Variants in ESRRG observed in about 807,000 individuals in gnomAD.
The protein encoded by ESRRG is estrogen-related receptor gamma.
ESRRG carries 13 observed loss-of-function variants against 44.0 expected under a neutral mutation model. The observed-to-expected ratio is 0.30, with a 90% CI of 0.19 to 0.47. ESRRG has a LOEUF of 0.47. ESRRG is among the 20% of genes least tolerant of loss of function. ESRRG has a pLI of 1.00. For synonymous variants in ESRRG, 215 were observed against 214.6 expected (o/e 1.00, Z -0.02); for missense variants, 395 against 580.6 (o/e 0.68, Z 3.29).
At chr1:216,666,182 C>CA (rs2073877120) in intron 2 of ESRRG, among the ~76,000 whole-genome samples, 1 of 152,162 alleles carries the variant, frequency 6.6e-6, no homozygotes, top group South Asian at 2.1e-4. Context: ...TATTCCCCCA[C>CA]AACTAGTTAC....
At chr1:216,548,431 C>A (rs930552013) in intron 5 of ESRRG, among the ~76,000 whole-genome samples, 7 of 152,018 alleles carry the variant, frequency 4.6e-5, no homozygotes, top group Non-Finnish European at 1.0e-4. Flanking sequence ...GCTCTTTCTT[C>A]GATGAATGAT....
At chr1:216,772,029 A>G (rs2093405790) in intron 2 of ESRRG, among the ~76,000 whole-genome samples, 2 of 152,046 alleles carry the variant, frequency 1.3e-5, no homozygotes, top group Middle Eastern at 3.4e-3. Flanking sequence ...GCATAAACTG[A>G]TGGGAGTTCT....
intron 4 of ESRRG, among the ~76,000 whole-genome samples, chr1:216,567,655 C>A (rs1283325009): frequency 6.6e-6 from 1 of 152,040 alleles, no homozygotes; most frequent in East Asian, 1.9e-4. Flanking sequence ...ACAGTATGAT[C>A]CATTTTATGT....
chr1:217,041,965 G>A (rs542314728), intron 1 of ESRRG, among the ~76,000 whole-genome samples: 4 of 152,278 alleles, frequency 2.6e-5, no homozygotes, highest in South Asian at 2.1e-4. Context: ...ATTCTGGCAT[G>A]TATCATCTGA....
At chr1:216,586,053 T>A (rs995761744) in intron 3 of ESRRG, among the ~76,000 whole-genome samples, 10 of 45,924 alleles carry the variant, frequency 2.2e-4, no homozygotes, top group African/African-American at 4.9e-4. Context: ...ATAAATAAAT[T>A]AATTAATAAA....
rs1294922288 is a variant in ESRRG at position 216,895,657 on chromosome 1, A to G, written c.-14+43925T>C. Among the ~76,000 whole-genome samples, 5 of 152,304 alleles carry G rather than the reference A, an allele frequency of 3.3e-5. No individual in the cohort carries two copies. The East Asian group carries it at 7.7e-4, about 24-fold the overall frequency. ...GTCTTAGAGTCAACTTTTCCTTCTA[A>G]TGATGGAGATGTTAGTGAAAGCACA... On this transcript the variant is annotated intron_variant, in intron 2 of 7. Transcript: ENST00000359162.
At chr1:216,703,827 C>A (rs1459368059) in intron 1 of ESRRG, among the ~76,000 whole-genome samples, 1 of 151,922 alleles carries the variant, frequency 6.6e-6, no homozygotes, top group African/African-American at 2.4e-5. Context: ...GGGGGATAAA[C>A]TTCAGTCTTG....
At chr1:216,613,090 G>A (rs1025906208) in intron 3 of ESRRG, among the ~76,000 whole-genome samples, 3 of 152,178 alleles carry the variant, frequency 2.0e-5, no homozygotes. Flanking sequence ...GGTTTGTGGA[G>A]TGATCAGACT....
At chr1:217,114,869 C>T (rs2092703608) in intron 1 of ESRRG, among the ~76,000 whole-genome samples, 1 of 151,856 alleles carries the variant, frequency 6.6e-6, no homozygotes, top group Non-Finnish European at 1.5e-5. Context: ...TTCACCATGT[C>T]GACCAGGATG....
intron 5 of ESRRG, among the ~76,000 whole-genome samples, chr1:216,528,994 T>C (rs6604630): frequency 0.34 from 52,392 of 151,938 alleles, 9,182 homozygotes; most frequent in Non-Finnish European, 0.36. Flanking sequence ...AGGAGGGTTC[T>C]TGTCTGTTAT....
At chr1:216,812,393 G>T (rs1236434068) in intron 2 of ESRRG, among the ~76,000 whole-genome samples, 1 of 152,040 alleles carries the variant, frequency 6.6e-6, no homozygotes, top group Admixed American at 6.5e-5. Context: ...CACTCAATGG[G>T]TAATTTTTCT....
At chr1:217,031,428 C>T (rs1333778425) in intron 1 of ESRRG, among the ~76,000 whole-genome samples, 5 of 152,242 alleles carry the variant, frequency 3.3e-5, no homozygotes. Flanking sequence ...ACACTCAATG[C>T]TTACTTTTTC....
At chr1:216,603,290 A>T (rs1003887678) in intron 3 of ESRRG, among the ~76,000 whole-genome samples, 6 of 152,134 alleles carry the variant, frequency 3.9e-5, no homozygotes, top group African/African-American at 1.4e-4. Flanking sequence ...TCTACACAAA[A>T]TTTTTCAAAA....
In ESRRG at chr1:216,838,510, A is replaced by AT. The variant is rs557282371; in HGVS notation, c.-14+101071dup. Among the ~76,000 whole-genome samples, 238 of 151,768 alleles carry AT rather than the reference A, an allele frequency of 1.6e-3. 1 individual carries two copies. Among genetic ancestry groups the AT allele is most frequent in the South Asian group, 2.3e-3 (11 of 4,790 alleles). The stretch of plus-strand genomic sequence containing the variant: ...CAATGAATTTTAGAGGAATACAGTG[A>AT]TTTTTTTTTGAAGACGAAAAACAAC... On this transcript the variant is annotated intron_variant, in intron 2 of 7. Coordinates refer to the ESRRG transcript ENST00000359162.
intron 1 of ESRRG, among the ~76,000 whole-genome samples, chr1:217,016,337 A>T (rs1342009595): frequency 6.6e-6 from 1 of 152,114 alleles, no homozygotes; most frequent in African/African-American, 2.4e-5. Context: ...CAGATGAGCT[A>T]GAATTTGGCT....
intron 1 of ESRRG, among the ~76,000 whole-genome samples, chr1:216,694,118 T>C (rs1279152479): frequency 1.3e-5 from 2 of 152,176 alleles, no homozygotes; most frequent in Non-Finnish European, 2.9e-5. Flanking sequence ...AGCACTGTCA[T>C]TTGCTAAAGG....
At chr1:217,039,387 G>T (rs1042141822) in intron 1 of ESRRG, among the ~76,000 whole-genome samples, 4 of 152,300 alleles carry the variant, frequency 2.6e-5, no homozygotes, top group Middle Eastern at 6.8e-3. Context: ...AAACAAAGAG[G>T]TTTATTAGAC....
chr1:216,932,722 T>G (rs1248813558), intron 2 of ESRRG, among the ~76,000 whole-genome samples: 8 of 105,410 alleles, frequency 7.6e-5, no homozygotes, highest in African/African-American at 2.7e-4. Context: ...CAAACTTGTT[T>G]TTTTTTTTTT....
At chr1:217,047,611 C>T (rs1159047607) in intron 1 of ESRRG, among the ~76,000 whole-genome samples, 1 of 152,132 alleles carries the variant, frequency 6.6e-6, no homozygotes, top group Non-Finnish European at 1.5e-5. Flanking sequence ...TAAATAGATA[C>T]ATTAAATCAT....
Sources: allele counts gnomAD v4.1 joint callset (sites outside exome capture counted in the v4.1 genomes callset), GRCh38; gene constraint gnomAD v4.1.1; transcripts MANE v1.5; gene names NCBI Gene and HGNC (gene_info 2026-07-23, HGNC 2026-07-21).